Variants in TES observed in about 807,000 individuals in gnomAD.
TES encodes the protein testin LIM domain protein.
In TES, 41 loss-of-function variants were observed where a neutral mutation model predicts 48.2. That is an observed-to-expected ratio of 0.85 (90% CI 0.66 to 1.10). The LOEUF (loss-of-function observed/expected upper bound fraction) is 1.10. Ranked by LOEUF, TES falls within the 50% of genes least tolerant of loss-of-function variation. The probability of loss-of-function intolerance (pLI) is 0.00; values close to 1 mark genes in which losing one functional copy is unlikely to be tolerated. For missense variants in TES, 463 were observed against 515.1 expected, an observed-to-expected ratio of 0.90 and a Z score of 0.98; for synonymous variants, 162 against 174.9, an observed-to-expected ratio of 0.93 and a Z score of 0.58.
At chr7:116,222,219 G>A (rs930605809) in intron 1 of TES, among the ~76,000 whole-genome samples, 3 of 152,078 alleles carry the variant, frequency 2.0e-5, no homozygotes, top group Non-Finnish European at 4.4e-5. Context: ...ATAAGACTTT[G>A]TTTTTGTTCT....
Position 116,234,581 on chromosome 7 carries a change from C to CAAAG in TES, c.79_82dup (p.Lys28ArgfsTer4). 1 of 1,613,800 alleles carries CAAAG rather than the reference C, an allele frequency of 6.2e-7. No homozygotes were observed. Among genetic ancestry groups the CAAAG allele is most frequent in the Non-Finnish European group, 8.5e-7 (1 of 1,179,812 alleles). ...GATTTGGAGCCCCTTGTTTAAAATG[C>CAAAG]AAAGAAAAATGTGAAGGATTCGAAC... On this transcript the variant is annotated frameshift_variant, in exon 2 of 7. Transcript: ENST00000358204. LOFTEE classifies it high-confidence loss of function.
At position 116,257,339 on chromosome 7, in the gene TES, G is replaced by C. The variant is rs202205760; in HGVS notation, c.1123G>C (p.Val375Leu). ...TGCCATCGACCCAGAAGTGCAGCGG[G>C]TGACCTATAACAATTTCAGCTGGCA... ...HNAIDPEVQR[V>L]TYNNFSWHAS... Residue 375 changes from valine to leucine, a missense_variant, in exon 7 of 7, where the codon GTG becomes CTG. Coordinates refer to ENST00000358204, the MANE Select transcript of TES (RefSeq NM_015641.4). 1 of 1,613,758 alleles carries C rather than the reference G, an allele frequency of 6.2e-7. No homozygotes were observed. The highest frequency in any genetic ancestry group is 1.1e-5 in the South Asian group (1 of 91,052).
In TES at chr7:116,257,500, G is replaced by T. The variant is rs752697148; in HGVS notation, c.*18G>T. ...TGTCTTAGGAGGAGGGCACCCAGAA[G>T]TATCGAGCCATAGCTATCCAAAGTG... On this transcript the variant is annotated 3_prime_UTR_variant, in exon 7 of 7. Coordinates refer to ENST00000358204, the MANE Select transcript of TES (RefSeq NM_015641.4). The T allele has an allele frequency of 3.2e-6, 5 of 1,583,826 alleles. No homozygotes were observed. Among genetic ancestry groups the T allele is most frequent in the Non-Finnish European group, 4.3e-6 (5 of 1,164,466 alleles).
intron 1 of TES, chr7:116,222,898 A>G: frequency 2.3e-6 from 2 of 883,644 alleles, no homozygotes; most frequent in South Asian, 1.0e-4. Flanking sequence ...TTAAGAAGCA[A>G]TTTCAGCTGC....
chr7:116,244,339 C>T (rs1223297404), intron 2 of TES, among the ~76,000 whole-genome samples: 1 of 152,218 alleles, frequency 6.6e-6, no homozygotes, highest in Non-Finnish European at 1.5e-5. Flanking sequence ...AATGAGGGTA[C>T]AGGCATTGGG....
chr7:116,228,596 T>C (rs1174855156), intron 1 of TES, among the ~76,000 whole-genome samples: 3 of 152,212 alleles, frequency 2.0e-5, no homozygotes, highest in Admixed American at 1.3e-4. Flanking sequence ...CTGAGTTTTA[T>C]CATTCACAGC....
At chr7:116,249,364 T>G in intron 3 of TES, 92 bp downstream of exon 3, 2 of 1,419,128 alleles carry the variant, frequency 1.4e-6, no homozygotes, top group Non-Finnish European at 1.9e-6. Flanking sequence ...ACTTCACACA[T>G]CCCAGATCTG....
chr7:116,210,994 C>T (rs1424987686), intron 1 of TES: 3 of 321,562 alleles, frequency 9.3e-6, no homozygotes, highest in Non-Finnish European at 1.1e-5. Flanking sequence ...TCTCCAGTCT[C>T]ACGGAATCCC....
chr7:116,256,210 TCACTGC>T (rs1305890976), intron 6 of TES, among the ~76,000 whole-genome samples: 1 of 152,162 alleles, frequency 6.6e-6, no homozygotes, highest in Non-Finnish European at 1.5e-5. Flanking sequence ...AGGCCTCACT[TCACTGC>T]CTAAACCAAT....
At chr7:116,232,237 G>T (rs1005091395) in intron 1 of TES, among the ~76,000 whole-genome samples, 3 of 152,186 alleles carry the variant, frequency 2.0e-5, no homozygotes, top group Non-Finnish European at 2.9e-5. Flanking sequence ...TTTAGAGGCA[G>T]AAGCATATTT....
intron 2 of TES, among the ~76,000 whole-genome samples, chr7:116,243,591 T>A (rs755671416): frequency 4.6e-5 from 7 of 152,204 alleles, no homozygotes; most frequent in Non-Finnish European, 5.9e-5. Flanking sequence ...CTTTACCTTG[T>A]CTCACAGGCA....
chr7:116,238,812 G>A (rs930452656), intron 2 of TES, among the ~76,000 whole-genome samples: 4 of 151,934 alleles, frequency 2.6e-5, no homozygotes, highest in African/African-American at 9.7e-5. Flanking sequence ...TGTTGGCCAG[G>A]CTGGTCTCAA....
intron 2 of TES, chr7:116,239,237 A>G (rs919998474): frequency 6.6e-6 from 1 of 152,112 alleles, no homozygotes; most frequent in African/African-American, 2.4e-5. Flanking sequence ...CATGCCTCCA[A>G]CTTCCTCTTC....
chr7:116,226,111 A>G (rs972721203), intron 1 of TES, among the ~76,000 whole-genome samples: 2 of 152,188 alleles, frequency 1.3e-5, no homozygotes, highest in African/African-American at 2.4e-5. Flanking sequence ...GTGTGTGTGT[A>G]AAAAGGCAGT....
intron 1 of TES, among the ~76,000 whole-genome samples, chr7:116,224,871 A>G (rs79985749): frequency 1.1e-4 from 4 of 35,242 alleles, no homozygotes; most frequent in Non-Finnish European, 1.6e-4. Flanking sequence ...GTTTGGAGGG[A>G]AAAAAAAACA....
intron 6 of TES, 167 bp downstream of exon 6, chr7:116,252,643 A>G (rs1175492454): frequency 1.0e-5 from 9 of 867,464 alleles, no homozygotes; most frequent in Non-Finnish European, 1.5e-5. Context: ...AAAACAATAC[A>G]TGCATTGACT....
At chr7:116,212,355 T>C (rs1194833851) in intron 1 of TES, among the ~76,000 whole-genome samples, 1 of 152,186 alleles carries the variant, frequency 6.6e-6, no homozygotes, top group Non-Finnish European at 1.5e-5. Context: ...TCAAAATCCA[T>C]AGAATGTAGA....
At chr7:116,244,013 G>A (rs1421785016) in intron 2 of TES, 1 of 152,154 alleles carries the variant, frequency 6.6e-6, no homozygotes, top group African/African-American at 2.4e-5. Flanking sequence ...AGAACAGCAT[G>A]AGGGTAACAG....
At chr7:116,225,240 A>G (rs1288833716) in intron 1 of TES, among the ~76,000 whole-genome samples, 2 of 145,614 alleles carry the variant, frequency 1.4e-5, no homozygotes, top group Admixed American at 1.4e-4. Context: ...AGCAGGATCT[A>G]TTTCTGCTCT....
Sources: gnomAD v4.1 joint callset for allele counts (sites outside exome capture counted in the v4.1 genomes callset) on GRCh38, gnomAD v4.1.1 for gene constraint, MANE v1.5 for transcripts, NCBI Gene and HGNC (gene_info 2026-07-23, HGNC 2026-07-21) for gene names.